TRPM7: variants seen among roughly 807,000 people sequenced by gnomAD.
TRPM7 encodes the protein LTRPC ion channel family member 7.
In TRPM7, 134 loss-of-function variants were observed where a neutral mutation model predicts 229.7. That is an observed-to-expected ratio of 0.58 (90% confidence interval 0.51 to 0.67). TRPM7 has a LOEUF of 0.67. Ranked by LOEUF, TRPM7 falls within the 30% of genes least tolerant of loss-of-function variation. The probability of loss-of-function intolerance (pLI) is 0.00; values close to 1 mark genes in which losing one functional copy is unlikely to be tolerated. For missense variants in TRPM7, 1,901 were observed against 2,210.0 expected, an observed-to-expected ratio of 0.86 and a Z score of 2.80; for synonymous variants, 699 against 715.2, an observed-to-expected ratio of 0.98 and a Z score of 0.36.
Position 50,619,804 on chromosome 15 carries a change from G to C in TRPM7, c.1441-6C>G, listed in dbSNP as rs766960416. On this transcript the variant is annotated splice_region_variant and splice_polypyrimidine_tract_variant and intron_variant, in intron 12 of 38. Coordinates refer to ENST00000646667, the MANE Select transcript of TRPM7 (RefSeq NM_017672.6). ...GGATTAGTTGGACCTTGTTTCTTTAGGGAGAAAAAGTTACAGCAAACTATT... is the reference window on the plus strand; with the variant it reads ...GGATTAGTTGGACCTTGTTTCTTTACGGAGAAAAAGTTACAGCAAACTATT... 10 of 1,595,398 alleles carry C rather than the reference G, an allele frequency of 6.3e-6. No homozygotes were observed. The highest frequency in any genetic ancestry group is 1.7e-4 in the Middle Eastern group (1 of 6,044).
At chr15:50,617,023 G>C (rs1419265916) in intron 13 of TRPM7, among the ~76,000 whole-genome samples, 1 of 151,922 alleles carries the variant, frequency 6.6e-6, no homozygotes, top group African/African-American at 2.4e-5. Flanking sequence ...GGGCGTAATG[G>C]CTCATGCCTG....
chr15:50,568,257 T>C (rs2053706598), intron 38 of TRPM7, among the ~76,000 whole-genome samples: 1 of 151,630 alleles, frequency 6.6e-6, no homozygotes, highest in African/African-American at 2.4e-5. Context: ...AAGCAAATTA[T>C]GTTTACTCTC....
rs200662631 is a variant in TRPM7, at chr15:50,609,706, G to A, written c.2455C>T (p.Arg819Trp). The change falls in exon 19 of 39, where the codon CGG becomes TGG. Residue 819 changes from arginine (R) to tryptophan (W), a missense_variant. Physicochemically the swap from Arg to Trp is moderately radical, Grantham distance 101 (BLOSUM62 -3). This residue lies in a region of TRPM7 where 207 missense variants were observed against 241.5 expected (regional missense o/e 0.86). Coordinates refer to ENST00000646667, the MANE Select transcript of TRPM7 (RefSeq NM_017672.6). ...TTTCCTTCATTACTATCCAAAATCC[G>A]TACTTCTTTAAACACTTCCTAAAAT... Reference protein sequence around the residue: ...EIPMEVFKEVRILDSNEGKNE... With the variant: ...EIPMEVFKEVWILDSNEGKNE... 423 of 1,589,048 alleles carry A rather than the reference G, an allele frequency of 2.7e-4. No individual in the cohort carries two copies. The highest frequency in any genetic ancestry group is 3.3e-4 in the Non-Finnish European group (390 of 1,170,222).
chr15:50,606,282 G>T (rs1197449771), intron 20 of TRPM7, among the ~76,000 whole-genome samples: 1 of 151,940 alleles, frequency 6.6e-6, no homozygotes, highest in Non-Finnish European at 1.5e-5. Flanking sequence ...GTGAGGGTGA[G>T]GCAGGAGAAT....
chr15:50,657,010 A>C (rs2061591867), intron 3 of TRPM7, among the ~76,000 whole-genome samples: 1 of 152,124 alleles, frequency 6.6e-6, no homozygotes, highest in South Asian at 2.1e-4. Context: ...TCCAATCTAA[A>C]AATGCAAACT....
At chr15:50,627,647 A>G (rs936429808) in intron 11 of TRPM7, among the ~76,000 whole-genome samples, 2 of 152,218 alleles carry the variant, frequency 1.3e-5, no homozygotes, top group African/African-American at 4.8e-5. Flanking sequence ...TGCTACCGAA[A>G]TAACACAAAA....
In TRPM7 at chr15:50,592,218, C is replaced by T. The variant is rs771973312; in HGVS notation, c.4017G>A (p.Gln1339=). 1.2e-6 allele frequency: 2 copies of T among 1,614,138 alleles called. No individual in the cohort carries two copies. The highest frequency in any genetic ancestry group is 2.2e-5 in the South Asian group (2 of 91,078). The part of the protein sequence containing the change: ...IFGQDLPAVP[Q]RKEFNFPEAG... ...CCTCTGGAAAATTAAATTCTTTTCT[C>T]TGGGGTACTGCAGGTAAGTCTTGAC... Residue 1339 remains glutamine, a synonymous_variant, in exon 26 of 39, where the codon CAG becomes CAA. Coordinates refer to ENST00000646667, the MANE Select transcript of TRPM7 (RefSeq NM_017672.6).
chr15:50,648,218 T>C (rs1301315427), intron 4 of TRPM7, among the ~76,000 whole-genome samples: 1 of 152,108 alleles, frequency 6.6e-6, no homozygotes, highest in African/African-American at 2.4e-5. Context: ...AGGATGACTG[T>C]ATAAATAATA....
chr15:50,672,061 T>G (rs950956257), intron 1 of TRPM7, among the ~76,000 whole-genome samples: 2 of 148,036 alleles, frequency 1.4e-5, no homozygotes, highest in African/African-American at 5.3e-5. Context: ...GGTTGGTTTT[T>G]GTTTTTGTTT....
chr15:50,613,954 A>G lies in TRPM7; in HGVS notation c.1636-113T>C, dbSNP rs1289275384. The G allele has an allele frequency of 2.9e-6, 4 of 1,387,176 alleles. No individual in the cohort carries two copies. In the African/African-American group the frequency reaches 5.8e-5, roughly 20 times the overall value. 85.9% of individuals were successfully genotyped at this position (1,387,176 alleles called of 1,614,324 possible). A position where few individuals can be genotyped will look rare whatever the true frequency, so the allele number is the denominator to read the frequency against. ...ATGTGTTTGTGTACACACACAAAAT[A>G]TGACTGATTTAGGATTTTGACGACA... On this transcript the variant is annotated intron_variant, in intron 14 of 38. Coordinates refer to ENST00000646667, the MANE Select transcript of TRPM7 (RefSeq NM_017672.6).
chr15:50,683,455 C>A (rs1273868622), intron 1 of TRPM7, among the ~76,000 whole-genome samples: 1 of 151,356 alleles, frequency 6.6e-6, no homozygotes, highest in East Asian at 1.9e-4. Context: ...AAAAAAGAAG[C>A]CAGGGTCAGT....
chr15:50,684,111 C>T (rs931693917), intron 1 of TRPM7, among the ~76,000 whole-genome samples: 1 of 151,382 alleles, frequency 6.6e-6, no homozygotes, highest in Non-Finnish European at 1.5e-5. Context: ...AGCCTGTCGC[C>T]GCCTCCCAAA....
chr15:50,634,289 C>T lies in TRPM7; in HGVS notation c.1007+93G>A, dbSNP rs867988662. The T allele has an allele frequency of 2.8e-4, 287 of 1,021,488 alleles. 3 individuals are homozygous for T. In the Middle Eastern group the frequency reaches 4.1e-3, roughly 15 times the overall value. 63.3% of individuals were successfully genotyped at this position (1,021,488 alleles called of 1,614,324 possible). On this transcript the variant is annotated intron_variant, in intron 8 of 38. Coordinates refer to ENST00000646667, the MANE Select transcript of TRPM7 (RefSeq NM_017672.6). ...TAAGCCAAGATTGCACCACTGCACGCTATCCAGGCTGGGAGACACAGCAAG... is the reference window on the plus strand; with the variant it reads ...TAAGCCAAGATTGCACCACTGCACGTTATCCAGGCTGGGAGACACAGCAAG...
intron 3 of TRPM7, 71 bp downstream of exon 3, chr15:50,657,710 A>T: frequency 2.2e-6 from 3 of 1,358,892 alleles, no homozygotes; most frequent in Non-Finnish European, 3.1e-6. Flanking sequence ...ACTGTGTTCT[A>T]ACTCATATTT....
At chr15:50,662,865 A>G (rs932624315) in intron 2 of TRPM7, 102 bp downstream of exon 2, 4 of 846,374 alleles carry the variant, frequency 4.7e-6, no homozygotes, top group Admixed American at 2.6e-5. Context: ...AACAGTAAGT[A>G]CAAATAATTT....
chr15:50,674,216 T>G (rs1422539412), intron 1 of TRPM7, among the ~76,000 whole-genome samples: 1 of 152,214 alleles, frequency 6.6e-6, no homozygotes, highest in Non-Finnish European at 1.5e-5. Flanking sequence ...CTCAAACCCC[T>G]GACCTCAAGT....
At chr15:50,598,103 T>C (rs972177961) in intron 22 of TRPM7, among the ~76,000 whole-genome samples, 7 of 152,080 alleles carry the variant, frequency 4.6e-5, no homozygotes, top group African/African-American at 1.7e-4. Flanking sequence ...TCTCACTACA[T>C]GGCCAACCCT....
intron 11 of TRPM7, among the ~76,000 whole-genome samples, chr15:50,627,498 C>T (rs2060599710): frequency 6.6e-6 from 1 of 151,986 alleles, no homozygotes. Flanking sequence ...GCAAGAACGT[C>T]AACAAGGTTA....
chr15:50,619,609 T>C lies in TRPM7; in HGVS notation c.1494+136A>G, dbSNP rs556549162. ...CCTCTCTTACCACAAATTCAGCCCA[T>C]ATTTTATCTTGTTCTGTAAACTGTA... On this transcript the variant is annotated intron_variant, in intron 13 of 38. Transcript: ENST00000646667. 40 of 703,180 alleles carry C rather than the reference T, an allele frequency of 5.7e-5. No homozygotes were observed. The African/African-American group carries it at 5.8e-4, about 10-fold the overall frequency. The allele number at this position is 703,180 out of a possible 1,614,324, so 43.6% of individuals were successfully genotyped here. A position where few individuals can be genotyped will look rare whatever the true frequency, so the allele number is the denominator to read the frequency against.
Sources: gnomAD v4.1 joint callset for allele counts (sites outside exome capture counted in the v4.1 genomes callset) on GRCh38, gnomAD v4.1.1 for gene constraint, gnomAD v4.1.1 regional missense constraint, MANE v1.5 for transcripts, NCBI Gene and HGNC (gene_info 2026-07-23, HGNC 2026-07-21) for gene names.